The following PDE3B variants were observed in gnomAD, a reference collection of about 807,000 sequenced individuals.
PDE3B encodes the protein phosphodiesterase 3B, also known as cGMP-inhibited 3',5'-cyclic phosphodiesterase 3B.
In PDE3B, 66 loss-of-function variants were observed where a neutral mutation model predicts 116.8. The observed-to-expected ratio is 0.56, with a 90% CI of 0.46 to 0.69. PDE3B has a LOEUF of 0.69. PDE3B is among the 30% of genes least tolerant of loss of function. The probability of loss-of-function intolerance (pLI) is 0.00; values close to 1 mark genes in which losing one functional copy is unlikely to be tolerated. For missense variants in PDE3B, 1,384 were observed against 1,368.1 expected, an observed-to-expected ratio of 1.01 and a Z score of -0.18; for synonymous variants, 595 against 533.6, an observed-to-expected ratio of 1.12 and a Z score of -1.59.
At chr11:14,837,331 T>C (rs1342260823) in intron 11 of PDE3B, among the ~76,000 whole-genome samples, 1 of 152,254 alleles carries the variant, frequency 6.6e-6, no homozygotes, top group African/African-American at 2.4e-5. Flanking sequence ...TATTCCTCTT[T>C]GCTTACGAGT....
chr11:14,798,391 T>C lies in PDE3B; in HGVS notation c.1416-5553T>C, dbSNP rs146668911. 2.7e-3 allele frequency among the ~76,000 whole-genome samples: 409 copies of C among 152,348 alleles called. 3 individuals carry two copies. Among genetic ancestry groups the C allele is most frequent in the African/African-American group, 9.3e-3 (387 of 41,574 alleles). ...CACCAGGGATATTGGCCTGAAATTTTCTTTTTTTGTTGTGTCTCTTCCAGG... is the reference window on the plus strand; with the variant it reads ...CACCAGGGATATTGGCCTGAAATTTCCTTTTTTTGTTGTGTCTCTTCCAGG... On this transcript the variant is annotated intron_variant, in intron 4 of 15. Coordinates refer to ENST00000282096, the MANE Select transcript of PDE3B (RefSeq NM_000922.4).
chr11:14,802,169 C>T (rs1858793729), intron 4 of PDE3B, among the ~76,000 whole-genome samples: 1 of 152,104 alleles, frequency 6.6e-6, no homozygotes, highest in Admixed American at 6.5e-5. Flanking sequence ...TTCCAGGTGC[C>T]CCTGTGGTAT....
At chr11:14,885,729 A>T in the PDE3B span, 1 of 1,589,214 alleles carries the variant, frequency 6.3e-7, no homozygotes, top group Non-Finnish European at 8.6e-7. Context: ...AAGGAATGTG[A>T]TTTAAAATAT....
chr11:14,716,325 C>A (rs1219416612), intron 1 of PDE3B, among the ~76,000 whole-genome samples: 2 of 152,108 alleles, frequency 1.3e-5, no homozygotes, highest in East Asian at 1.9e-4. Context: ...AACTGCAAGG[C>A]GGCAGCGAGG....
chr11:14,795,543 C>T (rs1246967048), intron 4 of PDE3B, among the ~76,000 whole-genome samples: 3 of 152,094 alleles, frequency 2.0e-5, no homozygotes, highest in African/African-American at 7.2e-5. Context: ...TATCATTTGA[C>T]CTGTAACTCT....
At chr11:14,789,016 T>C (rs1858302400) in intron 3 of PDE3B, 90 bp from the exon 4 acceptor site, 1 of 868,442 alleles carries the variant, frequency 1.2e-6, no homozygotes, top group African/African-American at 1.7e-5. Flanking sequence ...AAATATACTT[T>C]GTATTGATAC....
chr11:14,875,855 C>T (rs1555009627), downstream of PDE3B, among the ~76,000 whole-genome samples: 1 of 152,130 alleles, frequency 6.6e-6, no homozygotes, highest in Non-Finnish European at 1.5e-5. Context: ...GCCCTTCTAC[C>T]TTTAAAAGTT....
At chr11:14,889,844 A>G in the PDE3B span, among the ~76,000 whole-genome samples, 1 of 152,136 alleles carries the variant, frequency 6.6e-6, no homozygotes, top group Non-Finnish European at 1.5e-5. Context: ...AACTAATAAC[A>G]TAGGCCGGGC....
At chr11:14,687,129 G>A (rs1363197128) in intron 1 of PDE3B, among the ~76,000 whole-genome samples, 3 of 152,106 alleles carry the variant, frequency 2.0e-5, no homozygotes, top group Non-Finnish European at 1.5e-5. Context: ...CTATCCATGT[G>A]TTACTCAGAG....
intron 1 of PDE3B, among the ~76,000 whole-genome samples, chr11:14,701,390 A>G (rs1363067104): frequency 6.6e-6 from 1 of 151,766 alleles, no homozygotes; most frequent in Non-Finnish European, 1.5e-5. Context: ...TTTTTAACAT[A>G]AAATTTCTGC....
chr11:14,732,554 T>C (rs1208690301), intron 1 of PDE3B, among the ~76,000 whole-genome samples: 1 of 152,156 alleles, frequency 6.6e-6, no homozygotes, highest in Non-Finnish European at 1.5e-5. Flanking sequence ...GAGAGGAAAG[T>C]AATGATCTTA....
intron 2 of PDE3B, among the ~76,000 whole-genome samples, chr11:14,776,930 A>G (rs1429734193): frequency 2.6e-5 from 4 of 152,112 alleles, no homozygotes; most frequent in Admixed American, 2.6e-4. Context: ...CAACACTAAG[A>G]TGAATCAGAT....
chr11:14,673,228 G>T (rs1854425986), intron 1 of PDE3B, among the ~76,000 whole-genome samples: 1 of 151,462 alleles, frequency 6.6e-6, no homozygotes, highest in African/African-American at 2.4e-5. Context: ...TGAACCTTTG[G>T]CACTAGGAAT....
the PDE3B span, among the ~76,000 whole-genome samples, chr11:14,894,097 T>G: frequency 6.6e-6 from 1 of 152,220 alleles, no homozygotes; most frequent in Non-Finnish European, 1.5e-5. Context: ...GGCTTGTGAC[T>G]ATCCCCAGGG....
chr11:14,769,364 A>G (rs1385146949), intron 1 of PDE3B, among the ~76,000 whole-genome samples: 1 of 151,282 alleles, frequency 6.6e-6, no homozygotes, highest in East Asian at 1.9e-4. Context: ...AAAAAGAAGC[A>G]TTGTACATAG....
chr11:14,781,728 G>A lies in PDE3B; in HGVS notation c.1030-4709G>A, dbSNP rs1858009638. Among the ~76,000 whole-genome samples the A allele has an allele frequency of 3.9e-5, 6 of 152,286 alleles. No individual in the cohort carries two copies. The South Asian group carries it at 6.2e-4, about 16-fold the overall frequency. On this transcript the variant is annotated intron_variant, in intron 2 of 15. Transcript: ENST00000282096. The stretch of plus-strand genomic sequence containing the variant: ...CATACTGAATGGGCAAAAACTGGAA[G>A]CATTCCCTTTGAAAAACAGCACAAG...
intron 1 of PDE3B, among the ~76,000 whole-genome samples, chr11:14,645,773 GT>G (rs538476712): frequency 2.0e-4 from 29 of 145,552 alleles, no homozygotes; most frequent in South Asian, 1.3e-3. Context: ...ACATATTTTT[GT>G]TTTTTTTTTA....
chr11:14,763,890 A>G (rs927820989), intron 1 of PDE3B, among the ~76,000 whole-genome samples: 1 of 152,150 alleles, frequency 6.6e-6, no homozygotes, highest in South Asian at 2.1e-4. Flanking sequence ...AGCTCTGCCA[A>G]TTACTAGCTG....
chr11:14,677,720 T>G (rs933687421), intron 1 of PDE3B, among the ~76,000 whole-genome samples: 2 of 152,206 alleles, frequency 1.3e-5, no homozygotes, highest in Non-Finnish European at 2.9e-5. Context: ...CCCTAATCCC[T>G]GGTAACTACT....
Sources: gnomAD v4.1 joint callset for allele counts (sites outside exome capture counted in the v4.1 genomes callset) on GRCh38, gnomAD v4.1.1 for gene constraint, MANE v1.5 for transcripts, NCBI Gene and HGNC (gene_info 2026-07-23, HGNC 2026-07-21) for gene names.